Variants in PXMP2 observed in about 807,000 individuals in gnomAD.
The protein encoded by PXMP2 is peroxisomal membrane protein 2.
Under a neutral mutation model 20.2 loss-of-function variants are expected in PXMP2, and 13 were observed. That is an observed-to-expected ratio of 0.64 (90% CI 0.42 to 1.02). The LOEUF is 1.02. Ranked by LOEUF, PXMP2 falls within the 50% of genes least tolerant of loss-of-function variation. PXMP2 has a pLI of 0.00. For synonymous variants in PXMP2, 113 were observed against 111.2 expected (o/e 1.02, Z -0.10); for missense variants, 284 against 251.8 (o/e 1.13, Z -0.87).
At chr12:132,698,941 T>C (rs1287571366) in intron 3 of PXMP2, among the ~76,000 whole-genome samples, 2 of 152,248 alleles carry the variant, frequency 1.3e-5, no homozygotes, top group African/African-American at 4.8e-5. Context: ...AGAAAATATT[T>C]AAGCATTTCT....
At chr12:132,689,768 G>A (rs1054068050) in intron 1 of PXMP2, among the ~76,000 whole-genome samples, 1 of 152,194 alleles carries the variant, frequency 6.6e-6, no homozygotes, top group South Asian at 2.1e-4. Context: ...CACCTTCCCA[G>A]TGTCCCCCAT....
chr12:132,700,924 T>C (rs4077415), intron 3 of PXMP2, among the ~76,000 whole-genome samples: 4 of 150,772 alleles, frequency 2.7e-5, no homozygotes, highest in African/African-American at 4.9e-5. Flanking sequence ...TTGGGAGGAA[T>C]TGACAGCGTA....
At chr12:132,694,159 T>C in intron 2 of PXMP2, among the ~76,000 whole-genome samples, 1 of 116,706 alleles carries the variant, frequency 8.6e-6, no homozygotes, top group East Asian at 2.8e-4. Context: ...GTGAGCTCCC[T>C]TAGCCAGTTA....
intron 3 of PXMP2, among the ~76,000 whole-genome samples, chr12:132,698,447 C>G (rs550929917): frequency 6.6e-6 from 1 of 152,232 alleles, no homozygotes; most frequent in Admixed American, 6.5e-5. Flanking sequence ...ATATTCTCCT[C>G]TGCTTTCCTC....
At chr12:132,700,283 G>A (rs754563726) in intron 3 of PXMP2, among the ~76,000 whole-genome samples, 29 of 151,708 alleles carry the variant, frequency 1.9e-4, no homozygotes, top group Admixed American at 8.5e-4. Flanking sequence ...TGCTGACCTC[G>A]TGATCCGCCC....
At chr12:132,692,629 ATAGTGAGCGCCCTTAGCCAGTTAGT>A (rs1565990593) in intron 2 of PXMP2, among the ~76,000 whole-genome samples, 9 of 70,152 alleles carry the variant, frequency 1.3e-4, no homozygotes, top group Admixed American at 1.5e-4. Flanking sequence ...AGCCAGTTAG[ATAGTGAGCGCCCTTAGCCAGTTAGT>A]TAGTGAGCGC....
intron 3 of PXMP2, among the ~76,000 whole-genome samples, chr12:132,698,041 T>A (rs1212250641): frequency 6.6e-6 from 1 of 150,864 alleles, no homozygotes; most frequent in Non-Finnish European, 1.5e-5. Context: ...AGACGGAGTC[T>A]CACACTGTTG....
At chr12:132,690,672 A>G (rs927812097) in intron 2 of PXMP2, among the ~76,000 whole-genome samples, 5 of 151,886 alleles carry the variant, frequency 3.3e-5, no homozygotes, top group African/African-American at 9.7e-5. Flanking sequence ...CAGCCTCTCA[A>G]ATAGCTGGGA....
intron 4 of PXMP2, among the ~76,000 whole-genome samples, chr12:132,704,280 C>G (rs1467712681): frequency 6.6e-6 from 1 of 152,090 alleles, no homozygotes; most frequent in African/African-American, 2.4e-5. Context: ...GAGGGTGCAG[C>G]CACCTGCATG....
In PXMP2 at chr12:132,693,832, CAGTT is replaced by C. The variant is rs1158529095; in HGVS notation, c.237-2044_237-2041del. Among the ~76,000 whole-genome samples, 3 of 94,676 alleles carry C rather than the reference CAGTT, an allele frequency of 3.2e-5. 1 individual carries two copies. Among genetic ancestry groups the C allele is most frequent in the Non-Finnish European group, 4.5e-5 (2 of 44,334 alleles). The allele number at this position is 94,676 out of a possible 152,430, so 62.1% of individuals were successfully genotyped here. A position where few individuals can be genotyped will look rare whatever the true frequency, so the allele number is the denominator to read the frequency against. On this transcript the variant is annotated intron_variant, in intron 2 of 4. Transcript: ENST00000317479. Reference sequence around the variant, plus strand: ...CCAGTTAGTTAGTGAGCTCCCTTGCCAGTTAGTTAGTGAGCTCCCTTGCCAGTTA... The same window carrying C: ...CCAGTTAGTTAGTGAGCTCCCTTGCCAGTTAGTGAGCTCCCTTGCCAGTTA...
At chr12:132,693,902 TA>T (rs67139766) in intron 2 of PXMP2, among the ~76,000 whole-genome samples, 42 of 60,028 alleles carry the variant, frequency 7.0e-4, no homozygotes, top group East Asian at 1.1e-3. Flanking sequence ...TGAGCGCCCT[TA>T]GCCAGTTAGT....
chr12:132,693,689 T>C (rs1387172744), intron 2 of PXMP2, among the ~76,000 whole-genome samples: 5 of 132,048 alleles, frequency 3.8e-5, no homozygotes, highest in African/African-American at 1.5e-4. Flanking sequence ...CCTTGCCAGT[T>C]AGTTAGTGAG....
chr12:132,687,639 G>C lies in PXMP2; in HGVS notation c.-32G>C. 9.5e-6 allele frequency: 11 copies of C among 1,154,996 alleles called. No individual in the cohort carries two copies. Among genetic ancestry groups the C allele is most frequent in the Non-Finnish European group, 1.2e-5 (11 of 939,726 alleles). 71.5% of individuals were successfully genotyped at this position (1,154,996 alleles called of 1,614,324 possible). On this transcript the variant is annotated 5_prime_UTR_variant, in exon 1 of 5. Coordinates refer to ENST00000317479, the MANE Select transcript of PXMP2 (RefSeq NM_018663.3). ...CGCCCGGCCAGCCTGAGGTGGGGTC[G>C]GTGCCCCCGGCGGCACGGCGCTGGG...
At chr12:132,692,248 TG>T (rs1193596775) in intron 2 of PXMP2, among the ~76,000 whole-genome samples, 18 of 148,040 alleles carry the variant, frequency 1.2e-4, no homozygotes, top group African/African-American at 2.0e-4. Context: ...GTGAGCTCCC[TG>T]AGCCAGTTAG....
At chr12:132,694,112 T>TA (rs202199454) in intron 2 of PXMP2, among the ~76,000 whole-genome samples, 3,653 of 99,504 alleles carry the variant, frequency 0.037, 18 homozygotes, top group Admixed American at 0.048. Flanking sequence ...TGAGCGCCCT[T>TA]GCCAGTTAGT....
intron 4 of PXMP2, among the ~76,000 whole-genome samples, chr12:132,704,122 C>A (rs1197034947): frequency 6.6e-6 from 1 of 152,166 alleles, no homozygotes; most frequent in Non-Finnish European, 1.5e-5. Context: ...CATAGCACCA[C>A]GTGCCAGGGA....
chr12:132,692,163 G>T (rs1433410338), intron 2 of PXMP2, among the ~76,000 whole-genome samples: 2 of 144,142 alleles, frequency 1.4e-5, no homozygotes, highest in Non-Finnish European at 3.0e-5. Context: ...TTGCCAGTTA[G>T]TGAGCTCCCT....
Position 132,704,610 on chromosome 12 carries a change from T to C in PXMP2, c.520-9T>C, listed in dbSNP as rs2043460021. 1.4e-6 allele frequency: 2 copies of C among 1,437,864 alleles called. No homozygotes were observed. Among genetic ancestry groups the C allele is most frequent in the Admixed American group, 2.7e-5 (1 of 36,540 alleles). 89.1% of individuals were successfully genotyped at this position (1,437,864 alleles called of 1,614,324 possible). A position where few individuals can be genotyped will look rare whatever the true frequency, so the allele number is the denominator to read the frequency against. ...TGACCGTGGCCTGTTGGACTGTTCT[T>C]TTCGGCAGTTCCGGGTGCTCTTCGC... On this transcript the variant is annotated splice_polypyrimidine_tract_variant and intron_variant, in intron 4 of 4. Transcript: ENST00000317479.
intron 3 of PXMP2, among the ~76,000 whole-genome samples, chr12:132,698,158 C>T (rs1207545415): frequency 1.3e-5 from 2 of 151,984 alleles, no homozygotes; most frequent in East Asian, 3.9e-4. Flanking sequence ...TGCAGGTGCC[C>T]GCCACCATGC....
Sources: gnomAD v4.1 joint callset for allele counts (sites outside exome capture counted in the v4.1 genomes callset) on GRCh38, gnomAD v4.1.1 for gene constraint, MANE v1.5 for transcripts, NCBI Gene and HGNC (gene_info 2026-07-23, HGNC 2026-07-21) for gene names.